Variants in TUBGCP3 observed in about 807,000 individuals in gnomAD.
TUBGCP3 encodes the protein gamma-tubulin complex component 3.
A neutral mutation model predicts 123.1 loss-of-function variants in TUBGCP3; 50 were observed. That is an observed-to-expected ratio of 0.41 (90% confidence interval 0.32 to 0.51). The LOEUF (loss-of-function observed/expected upper bound fraction) is 0.51, where lower values mean the gene tolerates loss of function less well. TUBGCP3 is among the 20% of genes least tolerant of loss of function. The pLI is 0.36. For missense variants in TUBGCP3, 882 were observed against 1,127.0 expected, an observed-to-expected ratio of 0.78 and a Z score of 3.11; for synonymous variants, 405 against 413.9, an observed-to-expected ratio of 0.98 and a Z score of 0.26.
chr13:112,554,833 C>T, intron 7 of TUBGCP3, 54 bp downstream of exon 7: 1 of 1,336,066 alleles, frequency 7.5e-7, no homozygotes, highest in Middle Eastern at 2.1e-4. Flanking sequence ...ATCTGGACTT[C>T]ATGACATGTT....
At chr13:112,574,821 A>C (rs964862162) in intron 1 of TUBGCP3, among the ~76,000 whole-genome samples, 1 of 152,204 alleles carries the variant, frequency 6.6e-6, no homozygotes, top group African/African-American at 2.4e-5. Context: ...TATTTTCTTT[A>C]TCTGTTTGCT....
At chr13:112,585,271 A>G (rs987798632) in intron 1 of TUBGCP3, among the ~76,000 whole-genome samples, 4 of 152,246 alleles carry the variant, frequency 2.6e-5, no homozygotes, top group Non-Finnish European at 5.9e-5. Flanking sequence ...AACACCAAAT[A>G]TTGTAAAGGT....
intron 4 of TUBGCP3, among the ~76,000 whole-genome samples, chr13:112,558,617 C>T (rs1451707117): frequency 6.6e-6 from 1 of 152,184 alleles, no homozygotes; most frequent in African/African-American, 2.4e-5. Flanking sequence ...TGAACTCCAA[C>T]AACCACTACA....
intron 21 of TUBGCP3, among the ~76,000 whole-genome samples, chr13:112,487,728 C>G (rs1286797057): frequency 6.6e-6 from 1 of 152,162 alleles, no homozygotes; most frequent in Non-Finnish European, 1.5e-5. Context: ...GTCACTACCC[C>G]CTTTTATGAA....
intron 20 of TUBGCP3, among the ~76,000 whole-genome samples, chr13:112,493,543 T>C (rs1393227993): frequency 1.8e-5 from 2 of 109,000 alleles, no homozygotes; most frequent in African/African-American, 3.6e-5. Flanking sequence ...CACTCTACCT[T>C]TGGGAACAGG....
At chr13:112,590,178 CTG>C (rs764063814), upstream of TUBGCP3, among the ~76,000 whole-genome samples, 3 of 152,034 alleles carry the variant, frequency 2.0e-5, no homozygotes, top group Non-Finnish European at 4.4e-5. Flanking sequence ...GGGTTACACT[CTG>C]TTAGCCAGAA....
chr13:112,560,376 G>A (rs903971081), intron 3 of TUBGCP3, among the ~76,000 whole-genome samples: 1 of 150,526 alleles, frequency 6.6e-6, no homozygotes. Flanking sequence ...CTTGCAGTGA[G>A]CCGAGATCCC....
chr13:112,556,242 T>C lies in TUBGCP3; in HGVS notation c.549-18A>G, dbSNP rs749555235. The C allele has an allele frequency of 1.2e-6, 2 of 1,607,902 alleles. No homozygotes were observed. The highest frequency in any genetic ancestry group is 1.7e-6 in the Non-Finnish European group (2 of 1,174,896). On this transcript the variant is annotated intron_variant, in intron 5 of 21. Transcript: ENST00000261965. ...TAGACTGTCTAAAAAAAGAAACATG[T>C]ATTATCTTCTAATAGGCTATTCGCT... is the stretch of plus-strand genomic sequence containing the variant.
At chr13:112,571,458 G>A (rs1183734261) in intron 1 of TUBGCP3, among the ~76,000 whole-genome samples, 1 of 152,192 alleles carries the variant, frequency 6.6e-6, no homozygotes. Context: ...AAGATGTGCT[G>A]TCATCTAGGC....
intron 17 of TUBGCP3, among the ~76,000 whole-genome samples, chr13:112,505,171 G>T (rs1881209266): frequency 6.6e-6 from 1 of 152,278 alleles, no homozygotes; most frequent in Middle Eastern, 3.4e-3. Context: ...AGAAAGAGGA[G>T]CCTCGAGGGA....
intron 19 of TUBGCP3, among the ~76,000 whole-genome samples, chr13:112,501,532 A>G (rs1353416568): frequency 2.6e-5 from 4 of 152,228 alleles, no homozygotes; most frequent in Non-Finnish European, 5.9e-5. Context: ...ACACAAAAAC[A>G]TGCACAGCCT....
At chr13:112,568,610 C>T (rs1881161951) in intron 2 of TUBGCP3, among the ~76,000 whole-genome samples, 1 of 152,266 alleles carries the variant, frequency 6.6e-6, no homozygotes, top group Admixed American at 6.5e-5. Flanking sequence ...AACATCTACT[C>T]CACTTGGACA....
intron 1 of TUBGCP3, 64 bp from the exon 2 acceptor site, chr13:112,569,323 T>C (rs754217748): frequency 1.5e-5 from 23 of 1,507,544 alleles, no homozygotes; most frequent in Non-Finnish European, 2.0e-5. Context: ...CACCTGAAGC[T>C]TCCAGTTCAA....
chr13:112,513,284 G>A (rs1021752604), intron 17 of TUBGCP3, among the ~76,000 whole-genome samples: 11 of 152,242 alleles, frequency 7.2e-5, no homozygotes, highest in Admixed American at 2.0e-4. Flanking sequence ...AGTATTAGCC[G>A]CTGTGTTTTG....
chr13:112,578,558 C>CAAAAAAAAAAAAAAAA (rs71131496), intron 1 of TUBGCP3, among the ~76,000 whole-genome samples: 6 of 24,914 alleles, frequency 2.4e-4, no homozygotes, highest in African/African-American at 5.9e-4. Flanking sequence ...GACTCCGTCT[C>CAAAAAAAAAAAAAAAA]AAAAAAAAAA....
In TUBGCP3 at chr13:112,524,764, T is replaced by A. The variant is rs1388286355; in HGVS notation, c.1555+2178A>T. 6.6e-6 allele frequency among the ~76,000 whole-genome samples: 1 copy of A among 152,198 alleles called. No individual in the cohort carries two copies. Among genetic ancestry groups the A allele is most frequent in the African/African-American group, 2.4e-5 (1 of 41,458 alleles). ...TACACCATCCTGCCTTGTCCTGAGT[T>A]ACCATGGTGAGATAAGTGCTTCCAA... is the stretch of plus-strand genomic sequence containing the variant. On this transcript the variant is annotated intron_variant, in intron 13 of 21. Coordinates refer to ENST00000261965, the MANE Select transcript of TUBGCP3 (RefSeq NM_006322.6). This position sits in a 1 kb window ranked among gnomAD's most constrained non-coding sequence, Gnocchi z 4.4.
chr13:112,596,040 G>A, the TUBGCP3 span, among the ~76,000 whole-genome samples: 1 of 152,126 alleles, frequency 6.6e-6, no homozygotes. Flanking sequence ...ATTTTATGGT[G>A]TGAATGAACG....
At chr13:112,549,732 G>A (rs567611769) in intron 8 of TUBGCP3, among the ~76,000 whole-genome samples, 50 of 152,104 alleles carry the variant, frequency 3.3e-4, no homozygotes, top group Middle Eastern at 6.8e-3. Flanking sequence ...GCTCACGCCT[G>A]TAATCCTAGC....
chr13:112,562,271 G>A (rs1406776019), intron 3 of TUBGCP3, among the ~76,000 whole-genome samples: 1 of 151,960 alleles, frequency 6.6e-6, no homozygotes, highest in African/African-American at 2.4e-5. Context: ...GACCTACTAG[G>A]GAACACCACC....
Sources: allele counts gnomAD v4.1 joint callset (sites outside exome capture counted in the v4.1 genomes callset), GRCh38; gene constraint gnomAD v4.1.1; non-coding constraint Gnocchi (gnomAD v3.1); transcripts MANE v1.5; gene names NCBI Gene and HGNC (gene_info 2026-07-23, HGNC 2026-07-21).